Variants in ABCB10 observed in about 807,000 individuals in gnomAD.
ABCB10 encodes ATP binding cassette subfamily B member 10.
Under a neutral mutation model 65.4 loss-of-function variants are expected in ABCB10, and 54 were observed. The ratio of observed to expected loss-of-function variants is 0.83; its 90% CI spans 0.66 to 1.04. The LOEUF (loss-of-function observed/expected upper bound fraction) is 1.04, where lower values mean the gene tolerates loss of function less well. Among genes scored for constraint, ABCB10 ranks in the 50% least tolerant of loss-of-function variants. The pLI is 0.00. For missense variants in ABCB10, 846 were observed against 976.6 expected, an observed-to-expected ratio of 0.87 and a Z score of 1.78; for synonymous variants, 418 against 406.5, an observed-to-expected ratio of 1.03 and a Z score of -0.34.
chr1:229,525,074 T>C (rs1305687232), intron 10 of ABCB10, among the ~76,000 whole-genome samples: 1 of 152,042 alleles, frequency 6.6e-6, no homozygotes, highest in African/African-American at 2.4e-5. Context: ...AGGCTAGTCT[T>C]GAACTCCTGA....
rs757021496 is a variant in ABCB10 at position 229,518,140 on chromosome 1, T to C, written c.*39A>G. ...GAGTTTTTTTTCTGCAACACTGTTT[T>C]GCATTAAAGTCTCATATTGTTTACC... On this transcript the variant is annotated 3_prime_UTR_variant, in exon 13 of 13. Coordinates refer to ENST00000344517, the MANE Select transcript of ABCB10 (RefSeq NM_012089.3). The C allele has an allele frequency of 3.4e-6, 5 of 1,472,504 alleles. No homozygotes were observed. 91.2% of individuals were successfully genotyped at this position (1,472,504 alleles called of 1,614,324 possible).
chr1:229,549,351 T>C lies in ABCB10; in HGVS notation c.601A>G (p.Thr201Ala). ...FLGKIIDVIY[T>A]NPTVDYSDNL... ...TCGCTGTAGTCCACAGTGGGGTTGGTATAGATGACATCAATGATCTTCCCC... is the reference window on the plus strand; with the variant it reads ...TCGCTGTAGTCCACAGTGGGGTTGGCATAGATGACATCAATGATCTTCCCC... The change falls in exon 2 of 13, where the codon ACC becomes GCC. Residue 201 changes from threonine (T) to alanine (A), a missense_variant. Physicochemically the swap from Thr to Ala is moderately conservative, Grantham distance 58. Transcript: ENST00000344517. The C allele has an allele frequency of 2.5e-6, 4 of 1,614,050 alleles. No homozygotes were observed. Among genetic ancestry groups the C allele is most frequent in the Non-Finnish European group, 3.4e-6 (4 of 1,180,016 alleles).
At chr1:229,552,184 T>C (rs1663130867) in intron 1 of ABCB10, among the ~76,000 whole-genome samples, 1 of 152,248 alleles carries the variant, frequency 6.6e-6, no homozygotes, top group African/African-American at 2.4e-5. Context: ...TTGTCCAATT[T>C]GAATGTAAGA....
At chr1:229,550,067 T>C (rs1432498418) in intron 1 of ABCB10, 1 of 152,382 alleles carries the variant, frequency 6.6e-6, no homozygotes. Flanking sequence ...TGGAAAACCG[T>C]TTCACGGATC....
intron 4 of ABCB10, 89 bp downstream of exon 4, chr1:229,542,148 C>T (rs1213038665): frequency 6.9e-7 from 1 of 1,454,736 alleles, no homozygotes; most frequent in African/African-American, 1.4e-5. Context: ...CATTGAAAAA[C>T]CTAAGTACAT....
At chr1:229,526,279 G>T (rs548358936) in intron 9 of ABCB10, among the ~76,000 whole-genome samples, 163 bp from the exon 10 acceptor site, 40 of 152,294 alleles carry the variant, frequency 2.6e-4, no homozygotes, top group African/African-American at 9.1e-4. Flanking sequence ...CTCACAGCAG[G>T]TGCCCGCAAG....
rs554274034 is a variant in ABCB10 at position 229,526,608 on chromosome 1, T to C, written c.1726-492A>G. 2.0e-5 allele frequency among the ~76,000 whole-genome samples: 3 copies of C among 152,254 alleles called. No homozygotes were observed. In the South Asian group the frequency reaches 6.2e-4, roughly 32 times the overall value. ...CACCATCCACCTGCCCTCACCCAAG[T>C]GGAGTGGGGAGAGGATGAGCTAATC... On this transcript the variant is annotated intron_variant, in intron 9 of 12. Transcript: ENST00000344517.
At chr1:229,536,075 A>G (rs1331244782) in intron 6 of ABCB10, among the ~76,000 whole-genome samples, 2 of 152,154 alleles carry the variant, frequency 1.3e-5, no homozygotes, top group East Asian at 1.9e-4. Context: ...GGATGTTAAT[A>G]GGGAGGCTGT....
In ABCB10 at chr1:229,547,704, G is replaced by T; in HGVS notation, c.719-3C>A. 1 of 1,614,066 alleles carries T rather than the reference G, an allele frequency of 6.2e-7. No homozygotes were observed. The highest frequency in any genetic ancestry group is 8.5e-7 in the Non-Finnish European group (1 of 1,179,950). On this transcript the variant is annotated splice_region_variant and splice_polypyrimidine_tract_variant and intron_variant, in intron 2 of 12. Coordinates refer to ENST00000344517, the MANE Select transcript of ABCB10 (RefSeq NM_012089.3). ...CAGCCTATTCACAATGCGCTGACCT[G>T]CAAAAGCAAACACGAACAGGCTCAC...
At chr1:229,521,487 C>CA (rs1193882672) in intron 11 of ABCB10, 105 bp downstream of exon 11, 11 of 1,248,616 alleles carry the variant, frequency 8.8e-6, no homozygotes, top group Non-Finnish European at 1.2e-5. Context: ...AAAAAAAAAA[C>CA]AAAAAACAGG....
Position 229,539,444 on chromosome 1 carries a change from T to C in ABCB10, c.1339+12A>G. 1 of 1,613,770 alleles carries C rather than the reference T, an allele frequency of 6.2e-7. No homozygotes were observed. Among genetic ancestry groups the C allele is most frequent in the South Asian group, 1.1e-5 (1 of 90,996 alleles). ...TAATTTGTAACACCCCAAGCCTATT[T>C]AAATTATTTACCTCCAATGCTTATT... On this transcript the variant is annotated intron_variant, in intron 6 of 12. Transcript: ENST00000344517.
In ABCB10 at chr1:229,537,477, T is replaced by C. The variant is rs372238978; in HGVS notation, c.1339+1979A>G. Among the ~76,000 whole-genome samples, 16 of 152,342 alleles carry C rather than the reference T, an allele frequency of 1.1e-4. No homozygotes were observed. In the South Asian group the frequency reaches 3.1e-3, roughly 30 times the overall value. On this transcript the variant is annotated intron_variant, in intron 6 of 12. Transcript: ENST00000344517. ...TTTAGACAGCGATTCTATAAAAGTA[T>C]AAAATTACTTTAAAAACATAAAAGC...
chr1:229,529,223 G>A (rs1262851429), intron 8 of ABCB10, among the ~76,000 whole-genome samples: 2 of 146,560 alleles, frequency 1.4e-5, no homozygotes, highest in Non-Finnish European at 3.0e-5. Context: ...AACCCGGGAG[G>A]CGGAGCTTGC....
intron 3 of ABCB10, 77 bp from the exon 4 acceptor site, chr1:229,542,448 AGTGTGTGTGTGGGTGTGTCT>A: frequency 6.6e-7 from 1 of 1,521,294 alleles, no homozygotes. Context: ...ACGAAAGGGG[AGTGTGTGTGTGGGTGTGTCT>A]GTGTGTGTGT....
intron 3 of ABCB10, among the ~76,000 whole-genome samples, chr1:229,544,032 C>G (rs1416284227): frequency 6.6e-6 from 1 of 152,144 alleles, no homozygotes; most frequent in African/African-American, 2.4e-5. Flanking sequence ...TCCAGAACCA[C>G]CCCCCTCCCT....
At position 229,538,472 on chromosome 1, in the gene ABCB10, C is replaced by G. The variant is rs559752233; in HGVS notation, c.1339+984G>C. Reference sequence around the variant, plus strand: ...CACAACAGGGTGTGAAACCTCCAGCCCAGCAGGCTCAATCCAGGAAACGGA... The same window carrying G: ...CACAACAGGGTGTGAAACCTCCAGCGCAGCAGGCTCAATCCAGGAAACGGA... On this transcript the variant is annotated intron_variant, in intron 6 of 12. Coordinates refer to ENST00000344517, the MANE Select transcript of ABCB10 (RefSeq NM_012089.3). 3.9e-5 allele frequency among the ~76,000 whole-genome samples: 6 copies of G among 152,214 alleles called. No individual in the cohort carries two copies. The South Asian group carries it at 1.2e-3, about 32-fold the overall frequency.
intron 1 of ABCB10, among the ~76,000 whole-genome samples, chr1:229,554,033 T>C (rs1173823785): frequency 1.3e-5 from 2 of 152,234 alleles, no homozygotes; most frequent in South Asian, 2.1e-4. Context: ...CGCACTGCAG[T>C]CTCTCTCACT....
Position 229,521,617 on chromosome 1 carries a change from A to G in ABCB10, c.1925T>C (p.Ile642Thr). The change falls in exon 11 of 13, where the codon ATT becomes ACT. Residue 642 changes from isoleucine to threonine, a missense_variant. Transcript: ENST00000344517. ...VLLSGGQKQRIAIARALLKNP... is the reference protein window; with the variant it reads ...VLLSGGQKQRTAIARALLKNP... ...CTTTAGCAGAGCACGGGCAATCGCA[A>G]TCCGCTGTTTCTGCCCACCTGACAA... 1 of 1,613,086 alleles carries G rather than the reference A, an allele frequency of 6.2e-7. No individual in the cohort carries two copies. Among genetic ancestry groups the G allele is most frequent in the Non-Finnish European group, 8.5e-7 (1 of 1,179,544 alleles).
At chr1:229,539,410 T>A in intron 6 of ABCB10, 46 bp downstream of exon 6, 4 of 1,600,316 alleles carry the variant, frequency 2.5e-6, no homozygotes, top group Non-Finnish European at 3.4e-6. Context: ...GAAATGATGC[T>A]CTGATTTTTA....
Sources: allele counts gnomAD v4.1 joint callset (sites outside exome capture counted in the v4.1 genomes callset), GRCh38; gene constraint gnomAD v4.1.1; transcripts MANE v1.5; gene names NCBI Gene and HGNC (gene_info 2026-07-23, HGNC 2026-07-21).